The following NASP variants were observed in gnomAD, a reference collection of about 807,000 sequenced individuals.
NASP encodes the protein nuclear autoantigenic sperm protein.
A neutral mutation model predicts 89.5 loss-of-function variants in NASP; 24 were observed. The ratio of observed to expected loss-of-function variants is 0.27; its 90% CI spans 0.19 to 0.38. NASP has a LOEUF of 0.38. NASP is among the 10% of genes least tolerant of loss of function. The pLI is 1.00. For missense variants in NASP, 848 were observed against 921.4 expected (o/e 0.92, Z 1.03); for synonymous variants, 306 against 324.7 (o/e 0.94, Z 0.62).
Position 45,593,822 on chromosome 1 carries a change from C to G in NASP, c.107+2552C>G, listed in dbSNP as rs189533730. Among the ~76,000 whole-genome samples, 6 of 150,762 alleles carry G rather than the reference C, an allele frequency of 4.0e-5. No individual in the cohort carries two copies. In the Admixed American group the frequency reaches 4.0e-4, roughly 10 times the overall value. ...TCACATGACCCCAGGAGTTCGAGACCAGCCTGGGCAACATAGCAAGACGCC... is the reference window on the plus strand; with the variant it reads ...TCACATGACCCCAGGAGTTCGAGACGAGCCTGGGCAACATAGCAAGACGCC... On this transcript the variant is annotated intron_variant, in intron 2 of 14. Transcript: ENST00000350030.
In NASP at chr1:45,615,113, G is replaced by T. The variant is rs1312844448; in HGVS notation, c.1767G>T (p.Gln589His). 7.4e-6 allele frequency: 12 copies of T among 1,614,200 alleles called. No homozygotes were observed. Among genetic ancestry groups the T allele is most frequent in the Non-Finnish European group, 1.0e-5 (12 of 1,180,034 alleles). Residue 589 changes from glutamine (Q) to histidine (H), a missense_variant, in exon 10 of 15, where the codon CAG (glutamine) becomes CAT (histidine). Gln to His is a conservative substitution (Grantham distance 24). Coordinates refer to ENST00000350030, the MANE Select transcript of NASP (RefSeq NM_002482.4). ...GTCTCCTTGCAGAGACCCACTACCA[G>T]CTGGGCTTGGCTTATGGGTACAACT... ...HDRLLAETHY[Q>H]LGLAYGYNSQ...
chr1:45,614,025 A>C, intron 7 of NASP, 71 bp from the exon 8 acceptor site: 2 of 1,255,902 alleles, frequency 1.6e-6, no homozygotes, highest in Non-Finnish European at 2.3e-6. Context: ...TTTTTAAGCT[A>C]CGCTAAGTTA....
At chr1:45,606,910 T>C (rs551048892) in intron 5 of NASP, among the ~76,000 whole-genome samples, 46 of 152,370 alleles carry the variant, frequency 3.0e-4, no homozygotes, top group African/African-American at 1.1e-3. Context: ...TGCAAATTTT[T>C]TTAAACAGCC....
chr1:45,617,673 C>A, intron 14 of NASP, 82 bp downstream of exon 14: 1 of 1,442,676 alleles, frequency 6.9e-7, no homozygotes, highest in East Asian at 2.3e-5. Context: ...CAAGTGCATG[C>A]TCCCCACCTT....
chr1:45,595,303 C>G (rs1411558020), intron 2 of NASP, among the ~76,000 whole-genome samples: 1 of 152,054 alleles, frequency 6.6e-6, no homozygotes, highest in Non-Finnish European at 1.5e-5. Context: ...AGCCACTGCA[C>G]CCAGCTGATC....
chr1:45,610,950 TC>T (rs1441500740), intron 6 of NASP: 9 of 152,494 alleles, frequency 5.9e-5, no homozygotes, highest in African/African-American at 2.2e-4. Context: ...ACTCCTGACC[TC>T]AGGTGATCCA....
At chr1:45,588,188 CCACCTCCAGGGTT>C (rs1557648279) in intron 1 of NASP, among the ~76,000 whole-genome samples, 1 of 152,148 alleles carries the variant, frequency 6.6e-6, no homozygotes, top group African/African-American at 2.4e-5. Context: ...ACCGCAGTCT[CCACCTCCAGGGTT>C]CAAGCAATTC....
At chr1:45,615,546 T>C in intron 11 of NASP, 75 bp downstream of exon 11, 3 of 1,418,492 alleles carry the variant, frequency 2.1e-6, no homozygotes, top group Non-Finnish European at 1.9e-6. Flanking sequence ...CAGGAACTTT[T>C]CATCATGACT....
At chr1:45,584,553 C>T (rs1644499829) in intron 1 of NASP, among the ~76,000 whole-genome samples, 1 of 152,186 alleles carries the variant, frequency 6.6e-6, no homozygotes, top group Non-Finnish European at 1.5e-5. Flanking sequence ...CCTTCACGCC[C>T]CTTCTGTCCC....
At chr1:45,601,114 GC>G (rs1643832207) in intron 2 of NASP, among the ~76,000 whole-genome samples, 1 of 152,056 alleles carries the variant, frequency 6.6e-6, no homozygotes, top group South Asian at 2.1e-4. Context: ...AGTTGGGCCT[GC>G]CTTTTTTGTT....
intron 3 of NASP, among the ~76,000 whole-genome samples, chr1:45,603,984 T>C (rs1161861204): frequency 9.9e-5 from 15 of 152,214 alleles, no homozygotes. Flanking sequence ...TAAGCACACA[T>C]AAATACTTTC....
chr1:45,584,955 T>C (rs1644509223), intron 1 of NASP, among the ~76,000 whole-genome samples: 1 of 152,212 alleles, frequency 6.6e-6, no homozygotes, highest in African/African-American at 2.4e-5. Context: ...CTTTAGACTT[T>C]GGAGGTGGTG....
intron 4 of NASP, 120 bp downstream of exon 4, chr1:45,605,136 AGTGATGGAAGTT>A (rs1247954623): frequency 5.3e-6 from 4 of 750,446 alleles, no homozygotes; most frequent in Non-Finnish European, 6.9e-6. Context: ...AGCTTGAAGT[AGTGATGGAAGTT>A]GTGAATGGCA....
intron 3 of NASP, among the ~76,000 whole-genome samples, chr1:45,604,115 T>C (rs568366237): frequency 1.6e-4 from 24 of 152,324 alleles, no homozygotes; most frequent in African/African-American, 5.8e-4. Flanking sequence ...CCCTTAAACA[T>C]GACCTCCATC....
At chr1:45,598,428 CTT>C (rs1643753058) in intron 2 of NASP, among the ~76,000 whole-genome samples, 2 of 152,158 alleles carry the variant, frequency 1.3e-5, no homozygotes, top group Non-Finnish European at 2.9e-5. Context: ...TTTCTTGTCT[CTT>C]TTCCTTCACT....
At chr1:45,604,355 T>C (rs1643884785) in intron 3 of NASP, among the ~76,000 whole-genome samples, 1 of 152,256 alleles carries the variant, frequency 6.6e-6, no homozygotes, top group African/African-American at 2.4e-5. Context: ...ATTTGTTGTC[T>C]AAACATTGTT....
intron 6 of NASP, chr1:45,610,488 A>C (rs1643988208): frequency 1.3e-5 from 2 of 152,240 alleles, no homozygotes; most frequent in Non-Finnish European, 1.5e-5. Context: ...CATTCTGCAG[A>C]AAACTTCCAA....
At chr1:45,587,678 A>ATG in intron 1 of NASP, among the ~76,000 whole-genome samples, 1 of 88,608 alleles carries the variant, frequency 1.1e-5, no homozygotes, top group East Asian at 3.3e-4. Flanking sequence ...ATATATATAT[A>ATG]TATATATATA....
chr1:45,616,729 T>C, intron 13 of NASP, 26 bp downstream of exon 13: 5 of 1,594,712 alleles, frequency 3.1e-6, no homozygotes, highest in Non-Finnish European at 4.3e-6. Flanking sequence ...GTGTTTCTTT[T>C]CTACCGTTTC....
Sources: allele counts gnomAD v4.1 joint callset (sites outside exome capture counted in the v4.1 genomes callset), GRCh38; gene constraint gnomAD v4.1.1; transcripts MANE v1.5; gene names NCBI Gene and HGNC (gene_info 2026-07-23, HGNC 2026-07-21).